Variants in PDGFC observed in about 807,000 individuals in gnomAD.
The protein encoded by PDGFC is platelet derived growth factor C.
Under a neutral mutation model 35.5 loss-of-function variants are expected in PDGFC, and 12 were observed. That is an observed-to-expected ratio of 0.34 (90% CI 0.22 to 0.55). The LOEUF is 0.55. Ranked by LOEUF, PDGFC falls within the 20% of genes least tolerant of loss-of-function variation. PDGFC has a pLI of 0.91. For missense variants in PDGFC, 322 were observed against 412.4 expected (o/e 0.78, Z 1.90); for synonymous variants, 159 against 148.8 (o/e 1.07, Z -0.50).
chr4:156,824,319 TATATATATACACACACAC>T lies in PDGFC; in HGVS notation c.315-13320_315-13303del, dbSNP rs1266792999. Reference sequence around the variant, plus strand: ...ATATATATATATATATATATATATATATATATATACACACACACACACACACACACATATACACACATA... The same window carrying T: ...ATATATATATATATATATATATATATACACACACACACATATACACACATA... On this transcript the variant is annotated intron_variant, in intron 2 of 5. Transcript: ENST00000502773. Among the ~76,000 whole-genome samples the T allele has an allele frequency of 2.2e-3, 206 of 94,966 alleles. 1 individual carries two copies. Among genetic ancestry groups the T allele is most frequent in the African/African-American group, 0.01 (190 of 18,564 alleles). 62.3% of individuals were successfully genotyped at this position (94,966 alleles called of 152,430 possible). A position where few individuals can be genotyped will look rare whatever the true frequency, so the allele number is the denominator to read the frequency against.
At chr4:156,885,378 T>A (rs1031895673) in intron 1 of PDGFC, among the ~76,000 whole-genome samples, 6 of 152,182 alleles carry the variant, frequency 3.9e-5, no homozygotes, top group African/African-American at 1.4e-4. Context: ...TTTAATACAC[T>A]GATCAATGAA....
At chr4:156,885,343 C>G (rs1426399956) in intron 1 of PDGFC, among the ~76,000 whole-genome samples, 1 of 152,030 alleles carries the variant, frequency 6.6e-6, no homozygotes, top group Non-Finnish European at 1.5e-5. Context: ...ACATCAATGG[C>G]CTAAAATAAA....
chr4:156,858,415 C>T (rs1262470882), intron 1 of PDGFC, among the ~76,000 whole-genome samples: 3 of 152,062 alleles, frequency 2.0e-5, no homozygotes, highest in Non-Finnish European at 2.9e-5. Flanking sequence ...AGAATCTCCT[C>T]AAAGCCTTTA....
chr4:156,774,935 A>T (rs1376841678), intron 3 of PDGFC, among the ~76,000 whole-genome samples: 3 of 152,166 alleles, frequency 2.0e-5, no homozygotes, highest in Admixed American at 6.5e-5. Flanking sequence ...ACATATATAT[A>T]CAGTACAATG....
chr4:156,971,309 T>G lies in PDGFC; in HGVS notation c.-406A>C. The G allele has an allele frequency of 2.5e-6, 1 of 400,184 alleles. No individual in the cohort carries two copies. The highest frequency in any genetic ancestry group is 4.4e-6 in the Non-Finnish European group (1 of 227,052). The allele number at this position is 400,184 out of a possible 1,614,324, so 24.8% of individuals were successfully genotyped here. On this transcript the variant is annotated 5_prime_UTR_variant, in exon 1 of 6. Coordinates refer to ENST00000502773, the MANE Select transcript of PDGFC (RefSeq NM_016205.3). ...CAGGACAGAGGCGAAAACTCAAGGG[T>G]TGCCCGCAGCCAGACTGGAAGCCAA...
intron 1 of PDGFC, among the ~76,000 whole-genome samples, chr4:156,867,576 A>T (rs1425515864): frequency 6.6e-6 from 1 of 152,182 alleles, no homozygotes; most frequent in Non-Finnish European, 1.5e-5. Context: ...GTATTCATGT[A>T]TCAATTCTCC....
chr4:156,793,563 A>AT (rs1491330936), intron 3 of PDGFC, among the ~76,000 whole-genome samples: 1,305 of 123,362 alleles, frequency 0.011, 11 homozygotes, highest in South Asian at 0.051. Context: ...ATATATATAT[A>AT]AAACACTTTA....
intron 3 of PDGFC, among the ~76,000 whole-genome samples, chr4:156,787,442 T>C (rs948543000): frequency 7.9e-5 from 12 of 152,042 alleles, no homozygotes; most frequent in African/African-American, 2.9e-4. Context: ...AGGCAAAAAA[T>C]ATGATGAGCA....
rs546997925 is a variant in PDGFC at position 156,797,641 on chromosome 4, A to C, written c.495+13196T>G. On this transcript the variant is annotated intron_variant, in intron 3 of 5. Coordinates refer to ENST00000502773, the MANE Select transcript of PDGFC (RefSeq NM_016205.3). The stretch of plus-strand genomic sequence containing the variant: ...ATAATGAAATAAAGTAAAATCACAA[A>C]AATAAAATCTCATAATGTTTTAAGG... 2.0e-5 allele frequency among the ~76,000 whole-genome samples: 3 copies of C among 152,304 alleles called. No individual in the cohort carries two copies. In the South Asian group the frequency reaches 6.2e-4, roughly 32 times the overall value.
intron 3 of PDGFC, among the ~76,000 whole-genome samples, chr4:156,788,064 G>A (rs547568263): frequency 3.7e-4 from 56 of 152,232 alleles, no homozygotes; most frequent in African/African-American, 1.3e-3. Flanking sequence ...TTTCATTCAT[G>A]GACAACATTC....
intron 3 of PDGFC, among the ~76,000 whole-genome samples, chr4:156,800,688 T>G (rs1221812283): frequency 6.6e-6 from 1 of 152,166 alleles, no homozygotes; most frequent in African/African-American, 2.4e-5. Flanking sequence ...CAACTAGACA[T>G]TACATTAATG....
intron 3 of PDGFC, among the ~76,000 whole-genome samples, chr4:156,776,117 G>T (rs1730820846): frequency 1.3e-5 from 2 of 152,078 alleles, no homozygotes; most frequent in African/African-American, 4.8e-5. Context: ...ATGAAAAAAA[G>T]AAGTTACAGA....
At chr4:156,803,612 G>T (rs2110922359) in intron 3 of PDGFC, among the ~76,000 whole-genome samples, 1 of 152,248 alleles carries the variant, frequency 6.6e-6, no homozygotes, top group East Asian at 1.9e-4. Flanking sequence ...AATTGGAAGT[G>T]CCTGCCTACA....
intron 1 of PDGFC, among the ~76,000 whole-genome samples, chr4:156,948,489 T>C (rs1251467839): frequency 1.3e-5 from 2 of 151,940 alleles, no homozygotes; most frequent in Non-Finnish European, 2.9e-5. Context: ...CCTCCTAGGC[T>C]TCTAAAAAAA....
intron 1 of PDGFC, among the ~76,000 whole-genome samples, chr4:156,914,964 G>C (rs551740855): frequency 1.3e-5 from 2 of 152,202 alleles, no homozygotes; most frequent in Admixed American, 6.5e-5. Context: ...GTTTAGAGTA[G>C]TAAATTAGCA....
intron 2 of PDGFC, among the ~76,000 whole-genome samples, chr4:156,832,004 T>A (rs1728947605): frequency 6.6e-6 from 1 of 152,120 alleles, no homozygotes; most frequent in Non-Finnish European, 1.5e-5. Flanking sequence ...CCCCATCCTA[T>A]AAACTGTTAC....
chr4:156,837,084 GA>G (rs2111041636), intron 2 of PDGFC, among the ~76,000 whole-genome samples: 1 of 152,158 alleles, frequency 6.6e-6, no homozygotes, highest in Admixed American at 6.5e-5. Context: ...GCTCATATAG[GA>G]ATATGATATT....
At chr4:156,885,831 G>A (rs1249190740) in intron 1 of PDGFC, among the ~76,000 whole-genome samples, 2 of 152,086 alleles carry the variant, frequency 1.3e-5, no homozygotes, top group African/African-American at 2.4e-5. Flanking sequence ...GTGGCAGGGA[G>A]ATATAAATGC....
intron 2 of PDGFC, among the ~76,000 whole-genome samples, chr4:156,811,845 T>C (rs1220895519): frequency 6.6e-6 from 1 of 151,972 alleles, no homozygotes; most frequent in East Asian, 1.9e-4. Context: ...GTCTCAATAA[T>C]TGGGGGTGAG....
Sources: gnomAD v4.1 joint callset for allele counts (sites outside exome capture counted in the v4.1 genomes callset) on GRCh38, gnomAD v4.1.1 for gene constraint, MANE v1.5 for transcripts, NCBI Gene and HGNC (gene_info 2026-07-23, HGNC 2026-07-21) for gene names.